The following CACNA1C variants were observed in gnomAD, a reference collection of about 807,000 sequenced individuals.
CACNA1C encodes voltage-dependent L-type calcium channel subunit alpha-1C.
A neutral mutation model predicts 229.0 loss-of-function variants in CACNA1C; 30 were observed. The observed-to-expected ratio is 0.13, with a 90% CI of 0.10 to 0.18. The LOEUF (loss-of-function observed/expected upper bound fraction) is 0.18, where lower values mean the gene tolerates loss of function less well. Among genes scored for constraint, CACNA1C ranks in the 10% least tolerant of loss-of-function variants. CACNA1C has a pLI of 1.00. For synonymous variants in CACNA1C, 1,114 were observed against 1,132.5 expected (o/e 0.98, Z 0.33); for missense variants, 1,658 against 2,845.0 (o/e 0.58, Z 9.49).
chr12:1,983,716 AAT>A, intron 1 of CACNA1C, among the ~76,000 whole-genome samples: 1 of 152,244 alleles, frequency 6.6e-6, no homozygotes. Flanking sequence ...GATAGAATAT[AAT>A]ATAAATGACA....
At chr12:2,565,358 T>G (rs1360427237) in intron 11 of CACNA1C, among the ~76,000 whole-genome samples, 1 of 151,344 alleles carries the variant, frequency 6.6e-6, no homozygotes, top group Non-Finnish European at 1.5e-5. Flanking sequence ...TCCCAGCTAC[T>G]CGGGAGGCTG....
intron 3 of CACNA1C, among the ~76,000 whole-genome samples, chr12:2,184,034 A>G (rs2096924085): frequency 1.3e-5 from 2 of 152,060 alleles, no homozygotes; most frequent in African/African-American, 4.8e-5. Flanking sequence ...ATTGTTCCTA[A>G]TTGGCCCAGT....
intron 7 of CACNA1C, among the ~76,000 whole-genome samples, chr12:2,503,080 G>A (rs1431941937): frequency 1.3e-5 from 2 of 152,216 alleles, no homozygotes; most frequent in African/African-American, 4.8e-5. Flanking sequence ...CACTTGTGTT[G>A]TTACATTTGA....
rs552785307 is a variant in CACNA1C at position 2,067,172 on chromosome 12, C to G, written c.49+13561C>G. Reference sequence around the variant, plus strand: ...AGCTCTGTAGGAGGCGTGCCAAGCTCGAGCTGGTGTGGGAGAATCAAGGTG... The same window carrying G: ...AGCTCTGTAGGAGGCGTGCCAAGCTGGAGCTGGTGTGGGAGAATCAAGGTG... On this transcript the variant is annotated intron_variant, in intron 1 of 46. Transcript: ENST00000399655. The surrounding 1 kb of genome is among the most constrained non-coding windows in gnomAD (Gnocchi z 5.3). 6.6e-6 allele frequency among the ~76,000 whole-genome samples: 1 copy of G among 152,160 alleles called. No individual in the cohort carries two copies. Among genetic ancestry groups the G allele is most frequent in the South Asian group, 2.1e-4 (1 of 4,808 alleles).
At chr12:2,387,587 T>A (rs1243221991) in intron 3 of CACNA1C, among the ~76,000 whole-genome samples, 1 of 152,160 alleles carries the variant, frequency 6.6e-6, no homozygotes, top group African/African-American at 2.4e-5. Context: ...AACTAAGAGC[T>A]ATAGCATAGA....
intron 9 of CACNA1C, among the ~76,000 whole-genome samples, chr12:2,539,181 T>A (rs11062262): frequency 0.16 from 22,313 of 142,966 alleles, 1,899 homozygotes; most frequent in African/African-American, 0.26. Context: ...ATGGAAACAG[T>A]AGGTACTCTT....
intron 3 of CACNA1C, among the ~76,000 whole-genome samples, chr12:2,259,258 C>A (rs983023099): frequency 1.4e-4 from 22 of 152,320 alleles, no homozygotes; most frequent in Admixed American, 1.2e-3. Flanking sequence ...CGGGACCCAG[C>A]AGTTTGTGTT....
At chr12:2,687,335 C>G (rs1199080221) in intron 45 of CACNA1C, among the ~76,000 whole-genome samples, 1 of 152,338 alleles carries the variant, frequency 6.6e-6, no homozygotes, top group South Asian at 2.1e-4. Flanking sequence ...TCCTCTTCAT[C>G]TCTTTCTCCT....
intron 3 of CACNA1C, among the ~76,000 whole-genome samples, chr12:2,121,601 C>A (rs2086771910): frequency 6.6e-6 from 1 of 152,232 alleles, no homozygotes; most frequent in African/African-American, 2.4e-5. Flanking sequence ...GCTGGGCACA[C>A]CACTGAGTGA....
chr12:2,047,081 C>T (rs1378763021), intron 1 of CACNA1C, among the ~76,000 whole-genome samples: 1 of 152,172 alleles, frequency 6.6e-6, no homozygotes, highest in Non-Finnish European at 1.5e-5. Flanking sequence ...AAATGTTGCC[C>T]ACAGTAGCGG....
Position 2,597,261 on chromosome 12 carries a change from C to G in CACNA1C, c.2825C>G (p.Thr942Ser), listed in dbSNP as rs1200972649. ...TTTTATTTTGATATTGTTTTTACCACCATTTTCACCATTGAAATTGCTCTG... is the reference window on the plus strand; with the variant it reads ...TTTTATTTTGATATTGTTTTTACCAGCATTTTCACCATTGAAATTGCTCTG... ...ILFYFDIVFT[T>S]IFTIEIALKM... The change falls in exon 21 of 47, where the codon ACC becomes AGC. Residue 942 changes from threonine to serine, a missense_variant. Coordinates refer to ENST00000399655, the MANE Select transcript of CACNA1C (RefSeq NM_000719.7). The surrounding 1 kb of genome is among the most constrained non-coding windows in gnomAD (Gnocchi z 4.3). 3 of 1,612,250 alleles carry G rather than the reference C, an allele frequency of 1.9e-6. No individual in the cohort carries two copies. Among genetic ancestry groups the G allele is most frequent in the Middle Eastern group, 1.7e-4 (1 of 6,054 alleles).
In CACNA1C at chr12:2,053,200, C is replaced by A; in HGVS notation, c.-363C>A. 1.0e-6 allele frequency: 1 copy of A among 1,002,302 alleles called. No homozygotes were observed. The highest frequency in any genetic ancestry group is 1.2e-6 in the Non-Finnish European group (1 of 841,406). 62.1% of individuals were successfully genotyped at this position (1,002,302 alleles called of 1,614,324 possible). A position where few individuals can be genotyped will look rare whatever the true frequency, so the allele number is the denominator to read the frequency against. On this transcript the variant is annotated 5_prime_UTR_variant, in exon 1 of 47. Transcript: ENST00000399655. This position sits in a 1 kb window ranked among gnomAD's most constrained non-coding sequence, Gnocchi z 5.8. ...CCCCTGCCGGCCCAGGCGGGCCCCG[C>A]GCGCCCCCCGCCCCTCCTCTCCGCC... is the stretch of plus-strand genomic sequence containing the variant.
At chr12:2,004,450 A>G (rs753799062) in intron 1 of CACNA1C, 12 of 1,598,108 alleles carry the variant, frequency 7.5e-6, no homozygotes, top group Admixed American at 1.7e-5. Flanking sequence ...CCTCCCAGAC[A>G]TAGGCACGGG....
rs1603365648 is a variant in CACNA1C at position 2,653,967 on chromosome 12, A to G, written c.4140+67A>G. On this transcript the variant is annotated intron_variant, in intron 33 of 46. Coordinates refer to ENST00000399655, the MANE Select transcript of CACNA1C (RefSeq NM_000719.7). The surrounding 1 kb of genome is among the most constrained non-coding windows in gnomAD (Gnocchi z 4.7). ...GTCTCTCCCCAGTTCCCAGCACCAC[A>G]TTCCCTAACGCCTTCCTCCCTCCCT... The G allele has an allele frequency of 1.0e-5, 13 of 1,273,246 alleles. No individual in the cohort carries two copies. The highest frequency in any genetic ancestry group is 1.8e-4 in the Middle Eastern group (1 of 5,414). 78.9% of individuals were successfully genotyped at this position (1,273,246 alleles called of 1,614,324 possible). A position where few individuals can be genotyped will look rare whatever the true frequency, so the allele number is the denominator to read the frequency against.
chr12:2,462,361 C>T (rs2099515586), intron 5 of CACNA1C, among the ~76,000 whole-genome samples: 1 of 151,206 alleles, frequency 6.6e-6, no homozygotes, highest in South Asian at 2.1e-4. Context: ...TCTGCACAGG[C>T]CTGCGTACCT....
intron 3 of CACNA1C, among the ~76,000 whole-genome samples, chr12:2,369,859 G>A (rs990368137): frequency 1.3e-5 from 2 of 152,112 alleles, no homozygotes; most frequent in African/African-American, 4.8e-5. Flanking sequence ...ATGGAGGAAG[G>A]CACAAAAGAA....
chr12:2,375,035 A>G (rs2098003067), intron 3 of CACNA1C, among the ~76,000 whole-genome samples: 1 of 152,232 alleles, frequency 6.6e-6, no homozygotes, highest in African/African-American at 2.4e-5. Context: ...TTTCAGAGAT[A>G]AGATTATTGC....
intron 3 of CACNA1C, among the ~76,000 whole-genome samples, chr12:2,389,333 C>T (rs965034590): frequency 7.2e-5 from 11 of 152,050 alleles, no homozygotes; most frequent in African/African-American, 2.7e-4. Context: ...CTGTGCCAAG[C>T]AGTGGGAGGC....
chr12:2,394,097 C>T (rs1273273436), intron 3 of CACNA1C, among the ~76,000 whole-genome samples: 1 of 147,910 alleles, frequency 6.8e-6, no homozygotes, highest in Non-Finnish European at 1.5e-5. Context: ...AGAGCAAGAC[C>T]CTGTCTCTAA....
Sources: gnomAD v4.1 joint callset for allele counts (sites outside exome capture counted in the v4.1 genomes callset) on GRCh38, gnomAD v4.1.1 for gene constraint, Gnocchi (gnomAD v3.1) non-coding constraint, MANE v1.5 for transcripts, NCBI Gene and HGNC (gene_info 2026-07-23, HGNC 2026-07-21) for gene names.